The following COBL variants were observed in gnomAD, a reference collection of about 807,000 sequenced individuals.
The protein encoded by COBL is cordon-bleu WH2 repeat protein.
A neutral mutation model predicts 98.8 loss-of-function variants in COBL; 51 were observed. That is an observed-to-expected ratio of 0.52 (90% CI 0.41 to 0.65). The LOEUF (loss-of-function observed/expected upper bound fraction) is 0.65. Among genes scored for constraint, COBL ranks in the 30% least tolerant of loss-of-function variants. COBL has a pLI of 0.00. For missense variants in COBL, 1,617 were observed against 1,617.5 expected (o/e 1.00, Z 0.01); for synonymous variants, 634 against 651.7 (o/e 0.97, Z 0.41).
chr7:51,188,679 G>A (rs888689501), intron 4 of COBL, among the ~76,000 whole-genome samples: 1 of 152,212 alleles, frequency 6.6e-6, no homozygotes, highest in African/African-American at 2.4e-5. Context: ...AAGGGCAGAA[G>A]TGCTTCCAAA....
chr7:51,297,747 T>C (rs1398504990), intron 1 of COBL, among the ~76,000 whole-genome samples: 1 of 152,146 alleles, frequency 6.6e-6, no homozygotes, highest in Non-Finnish European at 1.5e-5. Context: ...AACTACCACA[T>C]GCAGCCCTTG....
At chr7:51,266,345 G>A (rs773346715) in intron 1 of COBL, among the ~76,000 whole-genome samples, 1 of 152,322 alleles carries the variant, frequency 6.6e-6, no homozygotes, top group South Asian at 2.1e-4. Context: ...CTGGGAGGCC[G>A]AGGCAGGTGG....
intron 8 of COBL, chr7:51,034,212 C>G (rs1175844516): frequency 6.6e-6 from 1 of 152,622 alleles, no homozygotes; most frequent in East Asian, 1.9e-4. Context: ...CTCCCCCACA[C>G]TTCAGTGTGG....
chr7:51,202,949 G>A (rs1404585896), intron 2 of COBL, among the ~76,000 whole-genome samples: 1 of 152,122 alleles, frequency 6.6e-6, no homozygotes, highest in African/African-American at 2.4e-5. Context: ...GCTGAGGCAG[G>A]AGAATTGTTT....
chr7:51,059,204 G>A (rs781575081), intron 7 of COBL, among the ~76,000 whole-genome samples: 8 of 152,126 alleles, frequency 5.3e-5, no homozygotes, highest in Non-Finnish European at 8.8e-5. Context: ...TGTATAGCTC[G>A]TATTTATTTC....
At chr7:51,138,190 A>C (rs1799415692) in intron 5 of COBL, among the ~76,000 whole-genome samples, 1 of 152,202 alleles carries the variant, frequency 6.6e-6, no homozygotes, top group Admixed American at 6.5e-5. Flanking sequence ...ACGGTGATAT[A>C]ACAGAAAAGA....
rs1158882252 is a variant in COBL at position 51,136,219 on chromosome 7, T to G, written c.896A>C (p.Lys299Thr). The change falls in exon 6 of 13, where the codon AAG becomes ACG. Residue 299 changes from lysine to threonine, a missense_variant. This residue lies in a region of COBL where 1,304 missense variants were observed against 1,282.0 expected (regional missense o/e 1.02). Transcript: ENST00000265136. Reference protein sequence around the residue: ...SGVSVKSEMKKRRAPPPPGSG... With the variant: ...SGVSVKSEMKTRRAPPPPGSG... ...ACCTGGAGGAGGAGGGGCTCGGCGC[T>G]TCTTCATCTCCGACTTCACGGACAC... is the stretch of plus-strand genomic sequence containing the variant. 2 of 1,613,356 alleles carry G rather than the reference T, an allele frequency of 1.2e-6. No homozygotes were observed. The highest frequency in any genetic ancestry group is 1.7e-6 in the Non-Finnish European group (2 of 1,180,022).
At chr7:51,301,088 G>A (rs1175034134) in intron 1 of COBL, among the ~76,000 whole-genome samples, 1 of 152,120 alleles carries the variant, frequency 6.6e-6, no homozygotes, top group Non-Finnish European at 1.5e-5. Flanking sequence ...TGAGGAGTGA[G>A]TGCGGTGGGA....
At chr7:51,020,166 G>A (rs11766770) in intron 12 of COBL, among the ~76,000 whole-genome samples, 30,422 of 152,184 alleles carry the variant, frequency 0.2, 3,371 homozygotes, top group East Asian at 0.29. Context: ...CAGGACACAC[G>A]GAAGGGCTGG....
At chr7:51,229,496 C>G (rs1477195097) in intron 1 of COBL, among the ~76,000 whole-genome samples, 1 of 152,172 alleles carries the variant, frequency 6.6e-6, no homozygotes, top group Non-Finnish European at 1.5e-5. Context: ...TCGTCCACCA[C>G]CTTCTTGGAG....
intron 6 of COBL, among the ~76,000 whole-genome samples, chr7:51,099,248 C>A (rs1795594854): frequency 6.6e-6 from 1 of 152,154 alleles, no homozygotes; most frequent in Non-Finnish European, 1.5e-5. Context: ...CATAATCTAG[C>A]AATCCCACTT....
intron 5 of COBL, among the ~76,000 whole-genome samples, chr7:51,144,733 C>T (rs1784865735): frequency 6.6e-6 from 1 of 152,150 alleles, no homozygotes; most frequent in South Asian, 2.1e-4. Flanking sequence ...TGGACAAACC[C>T]CAGTTTGCTT....
intron 1 of COBL, among the ~76,000 whole-genome samples, chr7:51,276,774 G>A (rs574872193): frequency 1.1e-3 from 167 of 152,314 alleles, no homozygotes; most frequent in African/African-American, 3.5e-3. Context: ...CAGGAGATGG[G>A]AGGAAAACCC....
At chr7:51,192,704 A>G (rs17134183) in intron 3 of COBL, among the ~76,000 whole-genome samples, 3,526 of 152,324 alleles carry the variant, frequency 0.023, 78 homozygotes, top group African/African-American at 0.063. Context: ...TGTATATAAG[A>G]TATTCTCCAA....
intron 5 of COBL, among the ~76,000 whole-genome samples, chr7:51,157,010 G>A (rs1038640598): frequency 9.2e-5 from 14 of 152,036 alleles, no homozygotes; most frequent in African/African-American, 2.7e-4. Context: ...CTACCTCCTC[G>A]CCAGGGCCTC....
chr7:51,196,114 G>A (rs1296292687), intron 2 of COBL, among the ~76,000 whole-genome samples: 2 of 152,118 alleles, frequency 1.3e-5, no homozygotes, highest in Non-Finnish European at 2.9e-5. Flanking sequence ...TGCCCATTCA[G>A]TATGATCTTG....
At chr7:51,095,562 T>TCAAAATATATAATC (rs145538797) in intron 6 of COBL, among the ~76,000 whole-genome samples, 85,190 of 151,466 alleles carry the variant, frequency 0.56, 24,568 homozygotes, top group Middle Eastern at 0.69. Context: ...AACTCCCCAA[T>TCAAAATATATAATC]CAAAATATAT....
chr7:51,030,987 G>C (rs1441937744), intron 8 of COBL, 78 bp from the exon 9 acceptor site: 2 of 980,474 alleles, frequency 2.0e-6, no homozygotes, highest in Admixed American at 1.8e-5. Context: ...GAATATCTGA[G>C]GATAGAACAG....
At position 51,018,908 on chromosome 7, in the gene COBL, ATATATAT is replaced by A. The variant is rs1786612844; in HGVS notation, c.3769-1347_3769-1341del. Reference sequence around the variant, plus strand: ...CTCCATCTCAAAAAAAAAAAAAAATATATATATATATATATATATATATATATATATA... The same window carrying A: ...CTCCATCTCAAAAAAAAAAAAAAATAATATATATATATATATATATATATA... On this transcript the variant is annotated intron_variant, in intron 12 of 12. Coordinates refer to ENST00000265136, the MANE Select transcript of COBL (RefSeq NM_015198.5). 2.2e-3 allele frequency among the ~76,000 whole-genome samples: 67 copies of A among 30,262 alleles called. 17 individuals carry two copies. Among genetic ancestry groups the A allele is most frequent in the Middle Eastern group, 0.033 (2 of 60 alleles). 19.9% of individuals were successfully genotyped at this position (30,262 alleles called of 152,430 possible).
Sources: allele counts gnomAD v4.1 joint callset (sites outside exome capture counted in the v4.1 genomes callset), GRCh38; gene constraint gnomAD v4.1.1; regional missense constraint gnomAD v4.1.1; transcripts MANE v1.5; gene names NCBI Gene and HGNC (gene_info 2026-07-23, HGNC 2026-07-21).